Variants in CEP85L observed in about 807,000 individuals in gnomAD.
CEP85L encodes centrosomal protein 85L.
In CEP85L, 60 loss-of-function variants were observed where a neutral mutation model predicts 100.3. That is an observed-to-expected ratio of 0.60 (90% CI 0.49 to 0.74). The LOEUF (loss-of-function observed/expected upper bound fraction) is 0.74, where lower values mean the gene tolerates loss of function less well. Ranked by LOEUF, CEP85L falls within the 30% of genes least tolerant of loss-of-function variation. The pLI is 0.00. For missense variants in CEP85L, 973 were observed against 936.2 expected (o/e 1.04, Z -0.51); for synonymous variants, 319 against 322.7 (o/e 0.99, Z 0.12).
intron 2 of CEP85L, among the ~76,000 whole-genome samples, chr6:118,614,302 A>C (rs890695142): frequency 2.6e-5 from 4 of 152,236 alleles, no homozygotes; most frequent in African/African-American, 4.8e-5. Context: ...ACTGAATGCT[A>C]TATCTGTGTA....
chr6:118,507,791 T>C (rs1370275183), intron 5 of CEP85L, among the ~76,000 whole-genome samples: 1 of 152,164 alleles, frequency 6.6e-6, no homozygotes, highest in Non-Finnish European at 1.5e-5. Context: ...TCAAACTAGA[T>C]TATCACTTCC....
upstream of CEP85L, among the ~76,000 whole-genome samples, chr6:118,653,973 T>C (rs1775685154): frequency 1.3e-5 from 2 of 152,226 alleles, no homozygotes; most frequent in Admixed American, 1.3e-4. Context: ...AAGTGTTGCA[T>C]TTATAATTCT....
chr6:118,568,805 A>C (rs986176301), intron 2 of CEP85L, among the ~76,000 whole-genome samples: 1 of 152,186 alleles, frequency 6.6e-6, no homozygotes, highest in Non-Finnish European at 1.5e-5. Context: ...TTCTAAATAG[A>C]AACAGGACAG....
intron 4 of CEP85L, among the ~76,000 whole-genome samples, chr6:118,521,458 A>AC (rs1776664090): frequency 6.6e-6 from 1 of 152,214 alleles, no homozygotes; most frequent in Non-Finnish European, 1.5e-5. Context: ...TCATAAAGAA[A>AC]CCAAAGATTA....
At chr6:118,526,672 T>C (rs1470395020) in intron 3 of CEP85L, among the ~76,000 whole-genome samples, 1 of 152,202 alleles carries the variant, frequency 6.6e-6, no homozygotes, top group African/African-American at 2.4e-5. Flanking sequence ...TGGCCAAAAC[T>C]TGCCAAAACC....
chr6:118,551,737 C>T (rs1230037708), intron 3 of CEP85L, among the ~76,000 whole-genome samples: 1 of 151,926 alleles, frequency 6.6e-6, no homozygotes, highest in Non-Finnish European at 1.5e-5. Flanking sequence ...ATTTTCATAA[C>T]CAGACAGAAG....
chr6:118,467,263 G>T (rs574130830), intron 12 of CEP85L, among the ~76,000 whole-genome samples: 2 of 151,962 alleles, frequency 1.3e-5, no homozygotes, highest in East Asian at 1.9e-4. Context: ...AAACAGGAGT[G>T]GATAAGATCA....
At chr6:118,630,241 T>C (rs1244035001) in intron 2 of CEP85L, among the ~76,000 whole-genome samples, 1 of 152,208 alleles carries the variant, frequency 6.6e-6, no homozygotes, top group Non-Finnish European at 1.5e-5. Flanking sequence ...CTGTTGAATA[T>C]AGCTGTATGC....
chr6:118,581,188 T>C (rs1477843233), intron 2 of CEP85L, among the ~76,000 whole-genome samples: 1 of 152,108 alleles, frequency 6.6e-6, no homozygotes, highest in Non-Finnish European at 1.5e-5. Context: ...CTCAATATTG[T>C]CCCATCAGCA....
Position 118,480,488 on chromosome 6 carries a change from G to A in CEP85L, c.1771C>T (p.Leu591Phe), listed in dbSNP as rs770856485. 1 of 1,608,454 alleles carries A rather than the reference G, an allele frequency of 6.2e-7. No individual in the cohort carries two copies. Among genetic ancestry groups the A allele is most frequent in the Non-Finnish European group, 8.5e-7 (1 of 1,176,720 alleles). ...QSLQQKVERC[L>F]EDGIRLPMLD... ...ATGGGAAGGCGGATTCCATCTTCAA[G>A]GCATCTTTCTACTTTTTGTTGCAAA... The change falls in exon 9 of 13, where the codon CTT (leucine) becomes TTT (phenylalanine). Residue 591 changes from leucine to phenylalanine, a missense_variant. Transcript: ENST00000368491.
intron 5 of CEP85L, chr6:118,502,341 C>T: frequency 1.9e-6 from 1 of 520,000 alleles, no homozygotes. Context: ...CCATGAGTTT[C>T]TGGCCCCATG....
At chr6:118,607,889 A>G (rs1772336019) in intron 2 of CEP85L, among the ~76,000 whole-genome samples, 1 of 152,182 alleles carries the variant, frequency 6.6e-6, no homozygotes, top group Non-Finnish European at 1.5e-5. Flanking sequence ...TCTGCAGTAT[A>G]GTCCCTTCTA....
At chr6:118,696,935 G>A (rs766635620) in intron 1 of CEP85L, among the ~76,000 whole-genome samples, 2 of 152,066 alleles carry the variant, frequency 1.3e-5, no homozygotes, top group Non-Finnish European at 2.9e-5. Flanking sequence ...GAAGACTAAG[G>A]TACTTCAGGA....
intron 4 of CEP85L, 149 bp from the exon 5 acceptor site, chr6:118,511,564 C>T (rs1775973082): frequency 1.8e-6 from 1 of 547,876 alleles, no homozygotes; most frequent in Non-Finnish European, 3.2e-6. Flanking sequence ...TCATAGCTTG[C>T]TTTAAGCAAG....
chr6:118,465,749 C>T (rs1367629768), intron 12 of CEP85L, among the ~76,000 whole-genome samples, 181 bp from the exon 13 acceptor site: 2 of 152,088 alleles, frequency 1.3e-5, no homozygotes, highest in Non-Finnish European at 2.9e-5. Context: ...CCACTTGGTC[C>T]TTTATAAATT....
chr6:118,653,678 G>A (rs1775672938), upstream of CEP85L, among the ~76,000 whole-genome samples: 2 of 147,728 alleles, frequency 1.4e-5, no homozygotes, highest in South Asian at 4.4e-4. Flanking sequence ...AGTTATCGTT[G>A]AACCTCAATA....
chr6:118,595,774 T>G (rs1346774154), intron 2 of CEP85L, among the ~76,000 whole-genome samples: 1 of 152,192 alleles, frequency 6.6e-6, no homozygotes, highest in African/African-American at 2.4e-5. Flanking sequence ...CAATAATCAG[T>G]CTTTTAAGAA....
chr6:118,638,776 C>G (rs369195410), intron 1 of CEP85L, among the ~76,000 whole-genome samples: 1 of 151,472 alleles, frequency 6.6e-6, no homozygotes, highest in Non-Finnish European at 1.5e-5. Flanking sequence ...TGAGTGCCTG[C>G]GGATAACATT....
At chr6:118,492,319 A>G (rs1267471233) in intron 5 of CEP85L, among the ~76,000 whole-genome samples, 2 of 152,132 alleles carry the variant, frequency 1.3e-5, no homozygotes, top group Admixed American at 6.6e-5. Context: ...ACTAAATTCA[A>G]TATGTATTAA....
Sources: gnomAD v4.1 joint callset for allele counts (sites outside exome capture counted in the v4.1 genomes callset) on GRCh38, gnomAD v4.1.1 for gene constraint, MANE v1.5 for transcripts, NCBI Gene and HGNC (gene_info 2026-07-23, HGNC 2026-07-21) for gene names.